Variants in ABTB2 observed in about 807,000 individuals in gnomAD.
ABTB2 encodes the protein ankyrin repeat and BTB domain containing 2.
In ABTB2, 56 loss-of-function variants were observed where a neutral mutation model predicts 104.1. The observed-to-expected ratio is 0.54, with a 90% CI of 0.43 to 0.67. ABTB2 has a LOEUF of 0.67. Among genes scored for constraint, ABTB2 ranks in the 30% least tolerant of loss-of-function variants. ABTB2 has a pLI of 0.00. For missense variants in ABTB2, 1,279 were observed against 1,407.7 expected, an observed-to-expected ratio of 0.91 and a Z score of 1.46; for synonymous variants, 606 against 608.2, an observed-to-expected ratio of 1.00 and a Z score of 0.05.
intron 1 of ABTB2, among the ~76,000 whole-genome samples, chr11:34,343,631 C>T (rs897018815): frequency 4.0e-5 from 6 of 151,414 alleles, no homozygotes; most frequent in African/African-American, 1.2e-4. Context: ...CCTGCCACCA[C>T]ACCGCCTCAT....
At chr11:34,186,298 G>A (rs757541559) in intron 3 of ABTB2, among the ~76,000 whole-genome samples, 4 of 152,190 alleles carry the variant, frequency 2.6e-5, no homozygotes, top group African/African-American at 4.8e-5. Flanking sequence ...CTGTCAGGGC[G>A]GCTGGTCTTG....
intron 1 of ABTB2, among the ~76,000 whole-genome samples, chr11:34,320,504 G>C (rs950355002): frequency 6.6e-6 from 1 of 152,164 alleles, no homozygotes; most frequent in Admixed American, 6.5e-5. Flanking sequence ...GGTGTACAGA[G>C]ATTTATGATA....
intron 10 of ABTB2, among the ~76,000 whole-genome samples, chr11:34,162,155 A>G (rs2473922): frequency 0.017 from 2,597 of 152,292 alleles, 55 homozygotes; most frequent in African/African-American, 0.058. Context: ...CCTGGAGGAC[A>G]CCAAAAGTCC....
At chr11:34,346,970 C>G (rs1462353446) in intron 1 of ABTB2, among the ~76,000 whole-genome samples, 1 of 152,218 alleles carries the variant, frequency 6.6e-6, no homozygotes, top group Admixed American at 6.5e-5. Context: ...TCAATAAAAG[C>G]TTGGCCTCAA....
At chr11:34,211,797 G>T (rs1213717946) in intron 1 of ABTB2, among the ~76,000 whole-genome samples, 1 of 150,518 alleles carries the variant, frequency 6.6e-6, no homozygotes, top group South Asian at 2.1e-4. Context: ...GCTGAGGCAG[G>T]AGAATTGCTT....
In ABTB2 at chr11:34,197,518, T is replaced by C. The variant is rs768026911; in HGVS notation, c.1051A>G (p.Met351Val). 2.5e-6 allele frequency: 4 copies of C among 1,578,390 alleles called. No homozygotes were observed. Among genetic ancestry groups the C allele is most frequent in the South Asian group, 1.1e-5 (1 of 87,398 alleles). The change falls in exon 3 of 17, where the codon ATG (methionine) becomes GTG (valine). Residue 351 changes from methionine to valine, a missense_variant. Coordinates refer to ENST00000435224, the MANE Select transcript of ABTB2 (RefSeq NM_145804.3). The stretch of plus-strand genomic sequence containing the variant: ...GGGTGACGCCCCTGCATGTGGTGCA[T>C]GGCACGGGAGACCAAGTCACCTGGT... ...SELSDLVSRA[M>V]HHMQGRHPLC...
chr11:34,318,296 T>C (rs1854964584), intron 1 of ABTB2, among the ~76,000 whole-genome samples: 1 of 152,142 alleles, frequency 6.6e-6, no homozygotes, highest in Non-Finnish European at 1.5e-5. Context: ...CTAGTGTCTA[T>C]TTTTTCCATC....
At chr11:34,242,715 T>C (rs1481580117) in intron 1 of ABTB2, among the ~76,000 whole-genome samples, 1 of 152,122 alleles carries the variant, frequency 6.6e-6, no homozygotes, top group Non-Finnish European at 1.5e-5. Context: ...TAAGGGTGTA[T>C]GACAGATCTA....
At position 34,356,395 on chromosome 11, in the gene ABTB2, AAG is replaced by A. The variant is rs1218223719; in HGVS notation, c.883+304_883+305del. On this transcript the variant is annotated intron_variant, in intron 1 of 16. Transcript: ENST00000435224. This position sits in a 1 kb window ranked among gnomAD's most constrained non-coding sequence, Gnocchi z 4.6. ...GCCACGGGGCAGTAAGTTTCATTTC[AAG>A]AGAGGTTCAGGAATGGCTTGGTCAA... 6.6e-6 allele frequency among the ~76,000 whole-genome samples: 1 copy of A among 152,196 alleles called. No individual in the cohort carries two copies.
chr11:34,295,083 C>A (rs1169335097), intron 1 of ABTB2, among the ~76,000 whole-genome samples: 4 of 152,148 alleles, frequency 2.6e-5, no homozygotes, highest in African/African-American at 9.7e-5. Context: ...ACTTGGGAGG[C>A]TGAGATGGGA....
intron 9 of ABTB2, among the ~76,000 whole-genome samples, chr11:34,163,253 C>A (rs1349796916): frequency 6.6e-6 from 1 of 152,160 alleles, no homozygotes; most frequent in African/African-American, 2.4e-5. Context: ...TAGCAGCTGA[C>A]TATGCACGTG....
chr11:34,162,091 G>A (rs1200970248), intron 10 of ABTB2, among the ~76,000 whole-genome samples: 1 of 152,226 alleles, frequency 6.6e-6, no homozygotes, highest in African/African-American at 2.4e-5. Flanking sequence ...CTTGGAGAGA[G>A]GACGTGGTAT....
chr11:34,333,941 T>A (rs148861121), intron 1 of ABTB2, among the ~76,000 whole-genome samples: 56 of 150,990 alleles, frequency 3.7e-4, no homozygotes, highest in African/African-American at 1.3e-3. Context: ...GATGCTGGGA[T>A]CTGCAAGCAC....
rs374659830 is a variant in ABTB2, at chr11:34,159,433, C to G, written c.2607-47G>C. 6.9e-6 allele frequency: 9 copies of G among 1,313,808 alleles called. No individual in the cohort carries two copies. In the Admixed American group the frequency reaches 1.3e-4, roughly 20 times the overall value. The allele number at this position is 1,313,808 out of a possible 1,614,324, so 81.4% of individuals were successfully genotyped here. A position where few individuals can be genotyped will look rare whatever the true frequency, so the allele number is the denominator to read the frequency against. On this transcript the variant is annotated intron_variant, in intron 13 of 16. Transcript: ENST00000435224. ...AAGGTGGGTTTTGAACCTTTTACTT[C>G]ACCACTGTGTGGCGATGGCACCATC...
chr11:34,306,982 T>TAAAAAAA (rs61161318), intron 1 of ABTB2, among the ~76,000 whole-genome samples: 6 of 94,524 alleles, frequency 6.3e-5, no homozygotes, highest in African/African-American at 2.0e-4. Context: ...TCAGGAAACT[T>TAAAAAAA]AAAAAAAAAA....
chr11:34,195,276 C>T (rs1853241126), intron 3 of ABTB2, among the ~76,000 whole-genome samples: 1 of 152,228 alleles, frequency 6.6e-6, no homozygotes. Flanking sequence ...GCCTCTTCCT[C>T]CCAGATATCT....
rs1340482065 is a variant in ABTB2 at position 34,356,087 on chromosome 11, C to T, written c.883+614G>A. Among the ~76,000 whole-genome samples, 1 of 152,154 alleles carries T rather than the reference C, an allele frequency of 6.6e-6. No homozygotes were observed. Among genetic ancestry groups the T allele is most frequent in the Non-Finnish European group, 1.5e-5 (1 of 68,010 alleles). Reference sequence around the variant, plus strand: ...AAGGGGAGTCGGGGTCCCCAGGTTTCATCATTCCTGGGCACATATAGGTAA... The same window carrying T: ...AAGGGGAGTCGGGGTCCCCAGGTTTTATCATTCCTGGGCACATATAGGTAA... On this transcript the variant is annotated intron_variant, in intron 1 of 16. Transcript: ENST00000435224. The surrounding 1 kb of genome is among the most constrained non-coding windows in gnomAD (Gnocchi z 4.6).
intron 1 of ABTB2, among the ~76,000 whole-genome samples, chr11:34,331,492 A>T (rs1397278709): frequency 6.6e-6 from 1 of 152,114 alleles, no homozygotes; most frequent in Admixed American, 6.5e-5. Context: ...TCCTACCATG[A>T]TTTCCTGTCT....
chr11:34,160,110 CAG>C (rs1429898562), intron 12 of ABTB2, 102 bp from the exon 13 acceptor site: 12 of 1,265,230 alleles, frequency 9.5e-6, no homozygotes, highest in South Asian at 1.3e-5. Flanking sequence ...GGGTGGGACA[CAG>C]AGGTGAGGAA....
Sources: allele counts gnomAD v4.1 joint callset (sites outside exome capture counted in the v4.1 genomes callset), GRCh38; gene constraint gnomAD v4.1.1; non-coding constraint Gnocchi (gnomAD v3.1); transcripts MANE v1.5; gene names NCBI Gene and HGNC (gene_info 2026-07-23, HGNC 2026-07-21).